Variants in ROS1 observed in about 807,000 individuals in gnomAD.
ROS1 encodes the protein ROS proto-oncogene 1, receptor tyrosine kinase, also known as proto-oncogene tyrosine-protein kinase ROS.
In ROS1, 263 loss-of-function variants were observed where a neutral mutation model predicts 273.5. The ratio of observed to expected loss-of-function variants is 0.96; its 90% CI spans 0.87 to 1.06. The LOEUF (loss-of-function observed/expected upper bound fraction) is 1.06, where lower values mean the gene tolerates loss of function less well. Ranked by LOEUF, ROS1 falls within the 50% of genes least tolerant of loss-of-function variation. ROS1 has a pLI of 0.00. For synonymous variants in ROS1, 1,008 were observed against 954.1 expected (o/e 1.06, Z -1.04); for missense variants, 2,833 against 2,751.1 (o/e 1.03, Z -0.67).
At chr6:117,360,105 T>C in intron 23 of ROS1, 94 bp from the exon 24 acceptor site, 1 of 990,536 alleles carries the variant, frequency 1.0e-6, no homozygotes, top group Middle Eastern at 2.8e-4. Context: ...TTGAAGTCCA[T>C]GGGCTCCCTT....
intron 43 of ROS1, among the ~76,000 whole-genome samples, chr6:117,300,558 G>A (rs1177486612): frequency 1.3e-5 from 2 of 152,070 alleles, no homozygotes; most frequent in African/African-American, 4.8e-5. Context: ...GGAATATGGG[G>A]ATAAAATGGC....
chr6:117,359,863 A>T lies in ROS1; in HGVS notation c.3579T>A (p.Tyr1193Ter). Residue 1193 changes from tyrosine to a stop codon, truncating the protein, a stop_gained, in exon 24 of 44, where the codon TAT becomes TAA. Transcript: ENST00000368507. LOFTEE classifies it high-confidence loss of function. The stretch of plus-strand genomic sequence containing the variant: ...GAAGAAAGAGTGAGTCCCCTTCAGC[A>T]TAATATCCCATCTCATTATCAGCTG... ...CYTADNEMGYYAEGDSLFLLH... is the reference protein window; with the variant it reads ...CYTADNEMGY The T allele has an allele frequency of 6.2e-7, 1 of 1,614,014 alleles. No homozygotes were observed. Among genetic ancestry groups the T allele is most frequent in the Non-Finnish European group, 8.5e-7 (1 of 1,179,934 alleles).
chr6:117,345,075 C>A (rs1185749373), intron 27 of ROS1, among the ~76,000 whole-genome samples: 3 of 152,212 alleles, frequency 2.0e-5, no homozygotes, highest in Non-Finnish European at 4.4e-5. Flanking sequence ...ATCTAACAAT[C>A]TTACACCAGT....
chr6:117,409,648 G>C lies in ROS1; in HGVS notation c.256-6C>G, dbSNP rs754605220. ...CCAACCTCACACGACTCCCGCTGTG[G>C]AAGACAGGGAGCATGACAGTCAGGG... On this transcript the variant is annotated splice_polypyrimidine_tract_variant and splice_region_variant and intron_variant, in intron 4 of 43. Transcript: ENST00000368507. 6.2e-7 allele frequency: 1 copy of C among 1,613,352 alleles called. No homozygotes were observed. Among genetic ancestry groups the C allele is most frequent in the Non-Finnish European group, 8.5e-7 (1 of 1,179,366 alleles).
intron 43 of ROS1, among the ~76,000 whole-genome samples, chr6:117,300,684 GAGA>G (rs981137653): frequency 3.5e-4 from 54 of 152,270 alleles, no homozygotes; most frequent in African/African-American, 1.3e-3. Context: ...GGGGGGAGAA[GAGA>G]AGGAGAACAG....
chr6:117,372,736 GGTAA>G (rs1323799834), intron 18 of ROS1, among the ~76,000 whole-genome samples: 3 of 152,176 alleles, frequency 2.0e-5, no homozygotes, highest in African/African-American at 7.2e-5. Flanking sequence ...AGACCTTCAG[GGTAA>G]GTGTTACAGC....
chr6:117,385,210 T>C (rs1772462555), intron 16 of ROS1, among the ~76,000 whole-genome samples: 1 of 152,194 alleles, frequency 6.6e-6, no homozygotes. Context: ...AAAAAATACC[T>C]AATTCAACAA....
chr6:117,369,487 T>C (rs1582762757), intron 18 of ROS1, among the ~76,000 whole-genome samples: 1 of 151,558 alleles, frequency 6.6e-6, no homozygotes. Context: ...GGCAGGAGAA[T>C]GGCATGAACC....
chr6:117,356,610 A>G lies in ROS1; in HGVS notation c.4126+19T>C. On this transcript the variant is annotated intron_variant, in intron 26 of 43. Transcript: ENST00000368507. ...TGCTCTTATTAACAAATATCTGTGC[A>G]CATACATCAGCATCTTACCGAGCAT... 9.4e-6 allele frequency: 15 copies of G among 1,598,530 alleles called. No homozygotes were observed. The highest frequency in any genetic ancestry group is 1.3e-5 in the Non-Finnish European group (15 of 1,170,064).
chr6:117,357,183 C>T (rs1016258476), intron 25 of ROS1, among the ~76,000 whole-genome samples: 3 of 152,032 alleles, frequency 2.0e-5, no homozygotes, highest in Admixed American at 1.3e-4. Context: ...ATTAAAAGGC[C>T]CACTTAATAA....
At chr6:117,308,552 A>C (rs931560081) in intron 42 of ROS1, among the ~76,000 whole-genome samples, 4 of 152,120 alleles carry the variant, frequency 2.6e-5, no homozygotes, top group Non-Finnish European at 5.9e-5. Context: ...ATTTTACTTA[A>C]CCAGAAGTAT....
At chr6:117,324,639 C>T (rs574000202) in intron 34 of ROS1, among the ~76,000 whole-genome samples, 4 of 152,108 alleles carry the variant, frequency 2.6e-5, no homozygotes, top group African/African-American at 7.2e-5. Flanking sequence ...GAGCAACAAA[C>T]CACTGGAATA....
rs754183720 is a variant in ROS1 at position 117,403,144 on chromosome 6, T to C, written c.599A>G (p.His200Arg). ...PPSPSYRTHP[H>R]GVPETAPLIR... ...GAAATGTGTGCACACCATACCTCCATGAGGATGAGTCCTGTAACTGGGACT... is the reference window on the plus strand; with the variant it reads ...GAAATGTGTGCACACCATACCTCCACGAGGATGAGTCCTGTAACTGGGACT... Residue 200 changes from histidine to arginine, a missense_variant, in exon 7 of 44, where the codon CAT (histidine) becomes CGT (arginine). By Grantham distance (29) the His-to-Arg change is conservative. Coordinates refer to ENST00000368507, the MANE Select transcript of ROS1 (RefSeq NM_001378902.1). 6.2e-7 allele frequency: 1 copy of C among 1,613,582 alleles called. No individual in the cohort carries two copies. Among genetic ancestry groups the C allele is most frequent in the South Asian group, 1.1e-5 (1 of 90,996 alleles).
At chr6:117,299,200 G>A (rs483223) in intron 43 of ROS1, among the ~76,000 whole-genome samples, 28,714 of 152,210 alleles carry the variant, frequency 0.19, 3,261 homozygotes, top group Non-Finnish European at 0.27. Context: ...TCTGTCGCTT[G>A]GCAGTTTGTG....
intron 13 of ROS1, among the ~76,000 whole-genome samples, chr6:117,388,401 T>A (rs968236810): frequency 6.6e-6 from 1 of 152,138 alleles, no homozygotes; most frequent in Non-Finnish European, 1.5e-5. Context: ...TAAAAAAAAA[T>A]TACCTATTCA....
At chr6:117,335,393 A>G (rs1777391230) in intron 32 of ROS1, among the ~76,000 whole-genome samples, 1 of 152,138 alleles carries the variant, frequency 6.6e-6, no homozygotes, top group Non-Finnish European at 1.5e-5. Context: ...TGTTGGTGGT[A>G]AAGTAAATTA....
intron 1 of ROS1, among the ~76,000 whole-genome samples, chr6:117,423,591 C>T (rs1355259099): frequency 2.0e-5 from 3 of 152,158 alleles, no homozygotes; most frequent in South Asian, 4.1e-4. Flanking sequence ...TCTCTGTTAA[C>T]GTAAGATAAA....
chr6:117,302,488 C>T (rs1350392778), intron 42 of ROS1, among the ~76,000 whole-genome samples: 2 of 152,162 alleles, frequency 1.3e-5, no homozygotes, highest in Non-Finnish European at 2.9e-5. Context: ...GCATCAGCCC[C>T]TATTGGCAAT....
At chr6:117,357,036 G>A (rs562004925) in intron 25 of ROS1, 121 bp from the exon 26 acceptor site, 2 of 820,612 alleles carry the variant, frequency 2.4e-6, no homozygotes, top group East Asian at 2.6e-5. Context: ...CCTTTGGAGA[G>A]AACATGGTCA....
Sources: gnomAD v4.1 joint callset for allele counts (sites outside exome capture counted in the v4.1 genomes callset) on GRCh38, gnomAD v4.1.1 for gene constraint, MANE v1.5 for transcripts, NCBI Gene and HGNC (gene_info 2026-07-23, HGNC 2026-07-21) for gene names.